CAPN2: variants seen among roughly 807,000 people sequenced by gnomAD.
CAPN2 encodes calpain 2.
CAPN2 carries 92 observed loss-of-function variants against 102.3 expected under a neutral mutation model. That is an observed-to-expected ratio of 0.90 (90% CI 0.76 to 1.07). The LOEUF is 1.07. Ranked by LOEUF, CAPN2 falls within the 50% of genes least tolerant of loss-of-function variation. The probability of loss-of-function intolerance (pLI) is 0.00; values close to 1 mark genes in which losing one functional copy is unlikely to be tolerated. For missense variants in CAPN2, 800 were observed against 909.4 expected, an observed-to-expected ratio of 0.88 and a Z score of 1.55; for synonymous variants, 340 against 355.4, an observed-to-expected ratio of 0.96 and a Z score of 0.49.
intron 20 of CAPN2, 189 bp downstream of exon 20, chr1:223,772,428 T>C (rs1452272728): frequency 1.6e-5 from 9 of 560,766 alleles, no homozygotes; most frequent in Admixed American, 3.1e-5. Context: ...CAACCACCTA[T>C]TCTCAAGTCC....
chr1:223,735,935 A>G (rs1660445446), intron 2 of CAPN2, among the ~76,000 whole-genome samples: 1 of 152,124 alleles, frequency 6.6e-6, no homozygotes, highest in South Asian at 2.1e-4. Context: ...GCATGCCACC[A>G]TGCTCAGCTA....
chr1:223,749,052 C>T lies in CAPN2; in HGVS notation c.743C>T (p.Ala248Val), dbSNP rs1235375049. The T allele has an allele frequency of 1.9e-6, 3 of 1,613,928 alleles. No homozygotes were observed. The highest frequency in any genetic ancestry group is 1.3e-5 in the African/African-American group (1 of 74,932). ...CTGTGTTTGCAGATCACCAGCGCCG[C>T]GGACTCGGAGGCCATCACGTTTCAG... The part of the protein sequence containing the change: ...LGCSIDITSA[A>V]DSEAITFQKL... The change falls in exon 6 of 21, where the codon GCG (alanine) becomes GTG (valine). Residue 248 changes from alanine (A) to valine (V), a missense_variant. Physicochemically the swap from Ala to Val is moderately conservative, Grantham distance 64 (BLOSUM62 0). Transcript: ENST00000295006.
intron 2 of CAPN2, among the ~76,000 whole-genome samples, chr1:223,730,435 G>A (rs1329239275): frequency 6.6e-6 from 1 of 151,436 alleles, no homozygotes; most frequent in Admixed American, 6.6e-5. Flanking sequence ...GCCCAGGGAA[G>A]CCAAAAGATT....
intron 1 of CAPN2, among the ~76,000 whole-genome samples, chr1:223,714,248 A>C (rs976614901): frequency 1.4e-4 from 22 of 152,214 alleles, no homozygotes; most frequent in African/African-American, 5.3e-4. Flanking sequence ...AATCATGTGT[A>C]TATTATTTAC....
chr1:223,720,430 C>T (rs1224888961), intron 2 of CAPN2, among the ~76,000 whole-genome samples: 1 of 151,528 alleles, frequency 6.6e-6, no homozygotes, highest in East Asian at 1.9e-4. Context: ...ATCCTCCCAC[C>T]TCAGCCTTCT....
rs928845656 is a variant in CAPN2 at position 223,734,962 on chromosome 1, C to T, written c.308-9138C>T. Among the ~76,000 whole-genome samples the T allele has an allele frequency of 3.9e-5, 6 of 152,236 alleles. No individual in the cohort carries two copies. The East Asian group carries it at 5.8e-4, about 15-fold the overall frequency. ...CTGGCTCTAGTGTTTCCCAACCATT[C>T]GGGGTGGGAGTGGGAGAGAAACCAG... On this transcript the variant is annotated intron_variant, in intron 2 of 20. Transcript: ENST00000295006.
At chr1:223,732,016 T>C (rs1468823852) in intron 2 of CAPN2, among the ~76,000 whole-genome samples, 1 of 152,156 alleles carries the variant, frequency 6.6e-6, no homozygotes, top group Non-Finnish European at 1.5e-5. Flanking sequence ...AGGAGGGGGC[T>C]CTTGCTCTAA....
At chr1:223,722,281 C>CTTTTTTTTTTTTTTTTTTTT (rs34894876) in intron 2 of CAPN2, among the ~76,000 whole-genome samples, 16 of 85,504 alleles carry the variant, frequency 1.9e-4, no homozygotes, top group East Asian at 4.2e-4. Context: ...TTCTTTCTTT[C>CTTTTTTTTTTTTTTTTTTTT]TTTTTTTTTT....
At chr1:223,732,291 T>C (rs1377530712) in intron 2 of CAPN2, among the ~76,000 whole-genome samples, 1 of 152,188 alleles carries the variant, frequency 6.6e-6, no homozygotes, top group Non-Finnish European at 1.5e-5. Context: ...GCAAATTTAT[T>C]ATGAAAATAA....
chr1:223,769,651 G>C (rs1275259469), intron 16 of CAPN2, among the ~76,000 whole-genome samples, 190 bp from the exon 17 acceptor site: 2 of 152,164 alleles, frequency 1.3e-5, no homozygotes, highest in Non-Finnish European at 2.9e-5. Context: ...GGAGCCAGCA[G>C]GTCTTTCTCG....
intron 2 of CAPN2, among the ~76,000 whole-genome samples, chr1:223,741,714 C>G (rs549483137): frequency 6.6e-6 from 1 of 152,222 alleles, no homozygotes; most frequent in East Asian, 1.9e-4. Flanking sequence ...CTTGGCCTCC[C>G]AAAGTGCTGG....
chr1:223,749,895 AGCTACTCGGGAG>A (rs1376592993), intron 6 of CAPN2, among the ~76,000 whole-genome samples: 3 of 152,154 alleles, frequency 2.0e-5, no homozygotes, highest in African/African-American at 7.2e-5. Context: ...CTGTCGTCCC[AGCTACTCGGGAG>A]GCTGAGGTGG....
Position 223,754,186 on chromosome 1 carries a change from G to A in CAPN2, c.1135+1230G>A, listed in dbSNP as rs1397252373. Among the ~76,000 whole-genome samples, 1 of 152,226 alleles carries A rather than the reference G, an allele frequency of 6.6e-6. No individual in the cohort carries two copies. Among genetic ancestry groups the A allele is most frequent in the Non-Finnish European group, 1.5e-5 (1 of 68,040 alleles). ...CACATAGTGATTCTCTGTGACAGAT[G>A]AGGAAGCTGAGCCTCTAAGTCGCAT... On this transcript the variant is annotated intron_variant, in intron 9 of 20. Transcript: ENST00000295006. This position sits in a 1 kb window ranked among gnomAD's most constrained non-coding sequence, Gnocchi z 4.7.
chr1:223,771,800 T>C lies in CAPN2; in HGVS notation c.1904-9T>C. On this transcript the variant is annotated splice_polypyrimidine_tract_variant and intron_variant, in intron 18 of 20. Coordinates refer to ENST00000295006, the MANE Select transcript of CAPN2 (RefSeq NM_001748.5). ...TTAGCAATGAGTTTGTTTGTTCATG[T>C]AACTTCAGGTTTCAAGATGCCCTGT... 2 of 1,571,258 alleles carry C rather than the reference T, an allele frequency of 1.3e-6. No individual in the cohort carries two copies. Among genetic ancestry groups the C allele is most frequent in the Non-Finnish European group, 1.8e-6 (2 of 1,140,874 alleles).
At chr1:223,724,273 A>G (rs1406077913) in intron 2 of CAPN2, among the ~76,000 whole-genome samples, 1 of 152,150 alleles carries the variant, frequency 6.6e-6, no homozygotes, top group Non-Finnish European at 1.5e-5. Context: ...GATTTGAGAA[A>G]TGAAGGACCG....
chr1:223,720,316 T>TCTC lies in CAPN2; in HGVS notation c.307+2485_307+2486insCTC, dbSNP rs1553253030. ...CATCCTTATTTTCTCTCTTTCTCTC[T>TCTC]TTTTTTTTTTTTTTTTTTGACAGGG... On this transcript the variant is annotated intron_variant, in intron 2 of 20. Coordinates refer to ENST00000295006, the MANE Select transcript of CAPN2 (RefSeq NM_001748.5). Among the ~76,000 whole-genome samples the TCTC allele has an allele frequency of 5.0e-3, 27 of 5,432 alleles. 1 individual carries two copies. Among genetic ancestry groups the TCTC allele is most frequent in the African/African-American group, 6.9e-3 (24 of 3,470 alleles). 3.6% of individuals were successfully genotyped at this position (5,432 alleles called of 152,430 possible). A position where few individuals can be genotyped will look rare whatever the true frequency, so the allele number is the denominator to read the frequency against.
At chr1:223,771,976 T>C in intron 19 of CAPN2, 51 bp downstream of exon 19, 1 of 1,340,124 alleles carries the variant, frequency 7.5e-7, no homozygotes, top group South Asian at 1.2e-5. Flanking sequence ...GGTATTAAAG[T>C]GGCCTGCCTT....
upstream of CAPN2, among the ~76,000 whole-genome samples, chr1:223,709,562 A>G (rs1432840806): frequency 6.6e-6 from 1 of 152,042 alleles, no homozygotes; most frequent in Non-Finnish European, 1.5e-5. Flanking sequence ...CGGGAGGCTG[A>G]GATAGGAGAA....
At chr1:223,767,916 TG>T (rs1219625296) in intron 16 of CAPN2, among the ~76,000 whole-genome samples, 1 of 151,092 alleles carries the variant, frequency 6.6e-6, no homozygotes, top group Non-Finnish European at 1.5e-5. Flanking sequence ...ATTATGGTTT[TG>T]ATTTGCATTT....
Sources: gnomAD v4.1 joint callset for allele counts (sites outside exome capture counted in the v4.1 genomes callset) on GRCh38, gnomAD v4.1.1 for gene constraint, Gnocchi (gnomAD v3.1) non-coding constraint, MANE v1.5 for transcripts, NCBI Gene and HGNC (gene_info 2026-07-23, HGNC 2026-07-21) for gene names.